Variants in PCDHA3 observed in about 807,000 individuals in gnomAD.
The protein encoded by PCDHA3 is protocadherin alpha 3.
PCDHA3 carries 41 observed loss-of-function variants against 62.2 expected under a neutral mutation model. The ratio of observed to expected loss-of-function variants is 0.66; its 90% CI spans 0.51 to 0.86. The LOEUF is 0.86. PCDHA3 is among the 40% of genes least tolerant of loss of function. The probability of loss-of-function intolerance (pLI) is 0.00; values close to 1 mark genes in which losing one functional copy is unlikely to be tolerated. For missense variants in PCDHA3, 1,304 were observed against 1,241.2 expected, an observed-to-expected ratio of 1.05 and a Z score of -0.76; for synonymous variants, 640 against 555.4, an observed-to-expected ratio of 1.15 and a Z score of -2.14.
At position 140,914,538 on chromosome 5, in the gene PCDHA3, T is replaced by C. The variant is rs1393710886; in HGVS notation, c.2395-64411T>C. ...TTTTTTCATCCATTCAGCCACTTTA[T>C]TTCTTTTTATTGGAGAGTTTAGTCC... is the stretch of plus-strand genomic sequence containing the variant. On this transcript the variant is annotated intron_variant, in intron 1 of 3. Transcript: ENST00000522353. 2.0e-5 allele frequency among the ~76,000 whole-genome samples: 3 copies of C among 152,198 alleles called. No individual in the cohort carries two copies. The East Asian group carries it at 5.8e-4, about 29-fold the overall frequency.
chr5:140,833,597 T>C (rs1466793693), intron 1 of PCDHA3, among the ~76,000 whole-genome samples: 1 of 152,196 alleles, frequency 6.6e-6, no homozygotes, highest in Non-Finnish European at 1.5e-5. Flanking sequence ...ATATATAGAT[T>C]CTGCTAAAGC....
At chr5:140,809,269 G>A in intron 1 of PCDHA3, 2 of 1,614,106 alleles carry the variant, frequency 1.2e-6, no homozygotes, top group African/African-American at 1.3e-5. Flanking sequence ...CTGCGCTGGT[G>A]GATGTCAACG....
At chr5:140,849,791 G>C (rs1482087320) in intron 1 of PCDHA3, 8 of 1,598,446 alleles carry the variant, frequency 5.0e-6, no homozygotes, top group Non-Finnish European at 6.8e-6. Context: ...ACGGGGGCTC[G>C]CCTTCACTGT....
In PCDHA3 at chr5:140,978,698, A is replaced by C. The variant is rs150194035; in HGVS notation, c.2395-251A>C. 1.4e-3 allele frequency among the ~76,000 whole-genome samples: 215 copies of C among 152,372 alleles called. 5 individuals carry two copies. In the South Asian group the frequency reaches 0.033, roughly 23 times the overall value. ...ACATGTATTGGGCAAGGCAAAGCCA[A>C]AGGTGGCCTTTACAAGATTATTAAA... is the stretch of plus-strand genomic sequence containing the variant. On this transcript the variant is annotated intron_variant, in intron 1 of 3. Transcript: ENST00000522353.
At chr5:140,841,233 G>A (rs1777106384) in intron 1 of PCDHA3, 2 of 1,469,626 alleles carry the variant, frequency 1.4e-6, no homozygotes, top group Admixed American at 2.3e-5. Flanking sequence ...AACGGGAGAT[G>A]CAGCGGAATT....
intron 1 of PCDHA3, chr5:140,811,522 C>T (rs1447514346): frequency 6.6e-6 from 1 of 151,940 alleles, no homozygotes; most frequent in South Asian, 2.1e-4. Flanking sequence ...AGATATATAC[C>T]CAGTAATGGG....
chr5:140,908,604 C>T (rs1011069667), intron 1 of PCDHA3, among the ~76,000 whole-genome samples: 10 of 152,114 alleles, frequency 6.6e-5, no homozygotes, highest in African/African-American at 2.2e-4. Flanking sequence ...GATGGAAGGG[C>T]CTTGCTCCAA....
At chr5:140,998,049 ACAT>A (rs782468760) in intron 3 of PCDHA3, among the ~76,000 whole-genome samples, 4 of 152,194 alleles carry the variant, frequency 2.6e-5, no homozygotes, top group Admixed American at 6.5e-5. Flanking sequence ...TAACTCAGTG[ACAT>A]CATCATCAAC....
chr5:140,985,084 T>A (rs2097135513), intron 3 of PCDHA3, among the ~76,000 whole-genome samples: 1 of 151,986 alleles, frequency 6.6e-6, no homozygotes. Context: ...ACTACAGGCG[T>A]GTGCCACCAA....
intron 3 of PCDHA3, among the ~76,000 whole-genome samples, chr5:140,983,792 ATG>A (rs1384223147): frequency 6.6e-6 from 1 of 152,212 alleles, no homozygotes; most frequent in Non-Finnish European, 1.5e-5. Context: ...AGATGACAGA[ATG>A]TGTGTGTAAA....
intron 1 of PCDHA3, among the ~76,000 whole-genome samples, chr5:140,885,718 C>T (rs2060696401): frequency 6.6e-6 from 1 of 152,124 alleles, no homozygotes; most frequent in South Asian, 2.1e-4. Flanking sequence ...CTAATGTGAT[C>T]TCTGTGAAAT....
At chr5:140,864,187 AT>A (rs2153225210) in intron 1 of PCDHA3, 1 of 152,208 alleles carries the variant, frequency 6.6e-6, no homozygotes, top group East Asian at 1.9e-4. Context: ...ATGAATAATG[AT>A]CCTTATGAGA....
intron 1 of PCDHA3, among the ~76,000 whole-genome samples, chr5:140,840,453 A>C (rs1554137802): frequency 1.3e-5 from 2 of 152,010 alleles, no homozygotes; most frequent in African/African-American, 4.8e-5. Flanking sequence ...GAAACGTTAA[A>C]TAAAAAGTTG....
Position 140,802,980 on chromosome 5 carries a change from C to G in PCDHA3, c.1783C>G (p.Arg595Gly). 6.2e-7 allele frequency: 1 copy of G among 1,613,998 alleles called. No individual in the cohort carries two copies. The highest frequency in any genetic ancestry group is 8.5e-7 in the Non-Finnish European group (1 of 1,179,918). Residue 595 changes from arginine to glycine, a missense_variant, in exon 1 of 4, where the codon CGC (arginine) becomes GGC (glycine). By Grantham distance (125) the Arg-to-Gly change is moderately radical (BLOSUM62 -2). Coordinates refer to ENST00000522353, the MANE Select transcript of PCDHA3 (RefSeq NM_018906.3). ...VGAGHVVAKVRAVDADSGYNA... is the reference protein window; with the variant it reads ...VGAGHVVAKVGAVDADSGYNA... ...TGCGGGCCACGTGGTAGCGAAGGTG[C>G]GCGCAGTGGATGCAGACTCAGGCTA... is the stretch of plus-strand genomic sequence containing the variant.
chr5:140,938,484 A>G (rs914020751), intron 1 of PCDHA3, among the ~76,000 whole-genome samples: 14 of 152,182 alleles, frequency 9.2e-5, no homozygotes, highest in African/African-American at 2.9e-4. Flanking sequence ...TTTAAAAATC[A>G]TGAATAGGCA....
intron 1 of PCDHA3, among the ~76,000 whole-genome samples, chr5:140,901,988 T>C (rs892830479): frequency 6.6e-6 from 1 of 152,164 alleles, no homozygotes; most frequent in Admixed American, 6.6e-5. Context: ...TTTAATTTCA[T>C]TTTCAGATTG....
chr5:140,969,292 C>G, intron 1 of PCDHA3: 2 of 1,614,208 alleles, frequency 1.2e-6, no homozygotes, highest in Non-Finnish European at 1.7e-6. Context: ...ATGCTGGGAA[C>G]CTGATTATTC....
In PCDHA3 at chr5:140,803,530, C is replaced by G. The variant is rs560711675; in HGVS notation, c.2333C>G (p.Pro778Arg). 6.2e-7 allele frequency: 1 copy of G among 1,614,252 alleles called. No homozygotes were observed. The highest frequency in any genetic ancestry group is 2.2e-5 in the East Asian group (1 of 44,880). ...ATGGCTTTTAGCCCTAGCCTTCCTC[C>G]TTGTCCAATTAGCCGGGATAGAGAG... ...DLMAFSPSLPPCPISRDREEK... is the reference protein window; with the variant it reads ...DLMAFSPSLPRCPISRDREEK... The change falls in exon 1 of 4, where the codon CCT becomes CGT. Residue 778 changes from proline to arginine, a missense_variant. Coordinates refer to ENST00000522353, the MANE Select transcript of PCDHA3 (RefSeq NM_018906.3).
At chr5:140,841,512 T>C in intron 1 of PCDHA3, 1 of 1,613,424 alleles carries the variant, frequency 6.2e-7, no homozygotes, top group East Asian at 2.2e-5. Flanking sequence ...CCGCGCCTGT[T>C]CCGGGTGGCG....
Sources: allele counts gnomAD v4.1 joint callset (sites outside exome capture counted in the v4.1 genomes callset), GRCh38; gene constraint gnomAD v4.1.1; transcripts MANE v1.5; gene names NCBI Gene and HGNC (gene_info 2026-07-23, HGNC 2026-07-21).